The following LRRC69 variants were observed in gnomAD, a reference collection of about 807,000 sequenced individuals.
LRRC69 encodes leucine-rich repeat-containing protein 69.
In LRRC69, 42 loss-of-function variants were observed where a neutral mutation model predicts 37.8. The ratio of observed to expected loss-of-function variants is 1.11; its 90% CI spans 0.87 to 1.44. LRRC69 has a LOEUF of 1.44. LRRC69 is among the 40% of genes most tolerant of loss of function. The probability of loss-of-function intolerance (pLI) is 0.00; values close to 1 mark genes in which losing one functional copy is unlikely to be tolerated. For missense variants in LRRC69, 357 were observed against 401.9 expected (o/e 0.89, Z 0.96); for synonymous variants, 141 against 143.1 (o/e 0.99, Z 0.11).
chr8:91,197,284 GCTGT>G (rs1809622344), intron 6 of LRRC69, among the ~76,000 whole-genome samples: 3 of 152,166 alleles, frequency 2.0e-5, no homozygotes, highest in Admixed American at 1.3e-4. Flanking sequence ...AGAGGTTACT[GCTGT>G]CTTTTTGTTT....
rs114218153 is a variant in LRRC69, at chr8:91,172,940, C to T, written c.652-16582C>T. The stretch of plus-strand genomic sequence containing the variant: ...AGGAGATTCCCTGAAAGACTTATGA[C>T]TGTTTTTTCAGTTCACTTTACAGAG... On this transcript the variant is annotated intron_variant, in intron 5 of 7. Transcript: ENST00000448384. Among the ~76,000 whole-genome samples the T allele has an allele frequency of 5.4e-3, 826 of 152,064 alleles. 11 individuals carry two copies. The highest frequency in any genetic ancestry group is 0.019 in the African/African-American group (801 of 41,528).
exon 4 of LRRC69, chr8:91,133,228 A>T: frequency 6.5e-7 from 1 of 1,532,240 alleles, no homozygotes; most frequent in Non-Finnish European, 8.8e-7. Flanking sequence ...GCTGATATGC[A>T]TACCTGAAGA....
intron 1 of LRRC69, among the ~76,000 whole-genome samples, chr8:91,119,260 G>A (rs1180817985): frequency 6.6e-6 from 1 of 151,994 alleles, no homozygotes; most frequent in Non-Finnish European, 1.5e-5. Context: ...TATAATTTAA[G>A]TAATCTACAC....
chr8:91,119,476 C>T (rs1645630030), intron 1 of LRRC69, among the ~76,000 whole-genome samples: 1 of 152,040 alleles, frequency 6.6e-6, no homozygotes, highest in South Asian at 2.1e-4. Flanking sequence ...CTCTCTTCCT[C>T]TTCTCCAAGC....
intron 5 of LRRC69, among the ~76,000 whole-genome samples, chr8:91,159,814 G>C (rs556622867): frequency 6.6e-6 from 1 of 151,164 alleles, no homozygotes; most frequent in East Asian, 2.0e-4. Context: ...AAATCAAGAA[G>C]ATAAAATTCT....
intron 6 of LRRC69, among the ~76,000 whole-genome samples, chr8:91,197,511 A>G (rs954573994): frequency 6.9e-6 from 1 of 145,176 alleles, no homozygotes; most frequent in African/African-American, 2.6e-5. Flanking sequence ...TGGGCGTAGG[A>G]CCCTCCGAGC....
intron 7 of LRRC69, among the ~76,000 whole-genome samples, chr8:91,201,348 C>G (rs1305805737): frequency 6.6e-6 from 1 of 152,082 alleles, no homozygotes; most frequent in East Asian, 1.9e-4. Flanking sequence ...ATATTTTAGG[C>G]CTTATAGACA....
intron 5 of LRRC69, chr8:91,158,745 T>C: frequency 1.1e-6 from 1 of 902,144 alleles, no homozygotes; most frequent in Non-Finnish European, 1.9e-6. Flanking sequence ...AGACACCAAG[T>C]CTGGCTGAAT....
chr8:91,214,208 A>G (rs1366029442), intron 7 of LRRC69, among the ~76,000 whole-genome samples: 1 of 152,080 alleles, frequency 6.6e-6, no homozygotes, highest in African/African-American at 2.4e-5. Flanking sequence ...TTGTTGATTG[A>G]TTGAGCATGG....
chr8:91,104,081 A>T (rs901812530), intron 1 of LRRC69, among the ~76,000 whole-genome samples: 3 of 151,892 alleles, frequency 2.0e-5, no homozygotes, highest in Admixed American at 2.0e-4. Context: ...ATTTTTCTTC[A>T]TCTTCTAGAT....
intron 5 of LRRC69, among the ~76,000 whole-genome samples, chr8:91,154,507 C>T (rs1246485193): frequency 1.3e-5 from 2 of 151,810 alleles, no homozygotes; most frequent in African/African-American, 4.8e-5. Flanking sequence ...TTCAACAGCA[C>T]ATCACAAAGT....
rs1808884056 is a variant in LRRC69, at chr8:91,158,740, C to T, written c.651+23001C>T. ...TACATTGTTCTACAAAATGAAGACA[C>T]CAAGTCTGGCTGAATGAAATACATT... On this transcript the variant is annotated intron_variant, in intron 5 of 7. Transcript: ENST00000448384. The T allele has an allele frequency of 3.6e-5, 33 of 926,284 alleles. 2 individuals are homozygous for T. In the South Asian group the frequency reaches 4.0e-4, roughly 11 times the overall value. The allele number at this position is 926,284 out of a possible 1,614,324, so 57.4% of individuals were successfully genotyped here.
chr8:91,154,990 A>G (rs535820493), intron 5 of LRRC69, among the ~76,000 whole-genome samples: 25 of 151,874 alleles, frequency 1.6e-4, no homozygotes, highest in African/African-American at 5.5e-4. Context: ...TCTCAACCCA[A>G]GAGATCCTTA....
chr8:91,158,416 T>C lies in LRRC69; in HGVS notation c.651+22677T>C. The C allele has an allele frequency of 3.6e-6, 5 of 1,385,986 alleles. 2 individuals carry two copies. Among genetic ancestry groups the C allele is most frequent in the Admixed American group, 3.4e-5 (2 of 58,810 alleles). The allele number at this position is 1,385,986 out of a possible 1,614,324, so 85.9% of individuals were successfully genotyped here. A position where few individuals can be genotyped will look rare whatever the true frequency, so the allele number is the denominator to read the frequency against. ...ATCACCCCAAGAAAGTAAACAAAGA[T>C]GATGAGGAATTCATAGAAAGCAATA... On this transcript the variant is annotated intron_variant, in intron 5 of 7. Transcript: ENST00000448384.
At chr8:91,157,639 A>G (rs1437637949) in intron 5 of LRRC69, 2 of 1,576,182 alleles carry the variant, frequency 1.3e-6, no homozygotes, top group African/African-American at 2.7e-5. Flanking sequence ...ATCTAATAAA[A>G]TGCACTGGAC....
At position 91,112,579 on chromosome 8, in the gene LRRC69, A is replaced by G. The variant is rs143339176; in HGVS notation, c.183+9735A>G. Among the ~76,000 whole-genome samples, 10 of 152,166 alleles carry G rather than the reference A, an allele frequency of 6.6e-5. No individual in the cohort carries two copies. In the East Asian group the frequency reaches 1.5e-3, roughly 23 times the overall value. On this transcript the variant is annotated intron_variant, in intron 1 of 7. Transcript: ENST00000448384. ...TCTCAACAAAATAGGTATAGAAGCAATTTACCTTAACACAATATAGGCTAT... is the reference window on the plus strand; with the variant it reads ...TCTCAACAAAATAGGTATAGAAGCAGTTTACCTTAACACAATATAGGCTAT...
At chr8:91,123,933 C>G (rs1813673219) in intron 1 of LRRC69, among the ~76,000 whole-genome samples, 1 of 151,266 alleles carries the variant, frequency 6.6e-6, no homozygotes, top group Non-Finnish European at 1.5e-5. Context: ...GCTCATTATA[C>G]CATTTCAATA....
intron 3 of LRRC69, chr8:91,130,622 A>ATCATTTG (rs1163884283): frequency 1.1e-4 from 17 of 152,106 alleles, no homozygotes; most frequent in Admixed American, 5.9e-4. Flanking sequence ...TATGCCCTAA[A>ATCATTTG]TCATTTGTCT....
chr8:91,127,601 CAAAAAAAAAAA>C (rs554876868), intron 3 of LRRC69, among the ~76,000 whole-genome samples: 3 of 66,570 alleles, frequency 4.5e-5, no homozygotes, highest in African/African-American at 1.1e-4. Flanking sequence ...TGTCATTAAC[CAAAAAAAAAAA>C]AAAAAAAAAA....
Sources: allele counts gnomAD v4.1 joint callset (sites outside exome capture counted in the v4.1 genomes callset), GRCh38; gene constraint gnomAD v4.1.1; transcripts MANE v1.5; gene names NCBI Gene and HGNC (gene_info 2026-07-23, HGNC 2026-07-21).